The following CHSY3 variants were observed in gnomAD, a reference collection of about 807,000 sequenced individuals.
CHSY3 encodes the protein chondroitin sulfate synthase 3.
CHSY3 carries 35 observed loss-of-function variants against 67.2 expected under a neutral mutation model. The observed-to-expected ratio is 0.52, with a 90% CI of 0.40 to 0.69. The LOEUF (loss-of-function observed/expected upper bound fraction) is 0.69, where lower values mean the gene tolerates loss of function less well. Among genes scored for constraint, CHSY3 ranks in the 30% least tolerant of loss-of-function variants. The pLI is 0.00. For missense variants in CHSY3, 1,069 were observed against 1,138.5 expected, an observed-to-expected ratio of 0.94 and a Z score of 0.88; for synonymous variants, 474 against 434.7, an observed-to-expected ratio of 1.09 and a Z score of -1.12.
chr5:129,992,330 A>G (rs1251558966), intron 2 of CHSY3, among the ~76,000 whole-genome samples: 2 of 152,198 alleles, frequency 1.3e-5, no homozygotes, highest in Admixed American at 6.5e-5. Flanking sequence ...GCCAAAGTAT[A>G]TTTTGGAAGG....
intron 2 of CHSY3, among the ~76,000 whole-genome samples, chr5:130,143,810 G>A (rs56403340): frequency 0.027 from 1,532 of 56,214 alleles, 46 homozygotes; most frequent in South Asian, 0.061. Flanking sequence ...ATATATGTGT[G>A]TATATATATA....
At chr5:130,169,148 A>G (rs1334577969) in intron 2 of CHSY3, among the ~76,000 whole-genome samples, 1 of 152,054 alleles carries the variant, frequency 6.6e-6, no homozygotes, top group Non-Finnish European at 1.5e-5. Flanking sequence ...AGATTTCACT[A>G]ACCTTCTTCA....
intron 2 of CHSY3, among the ~76,000 whole-genome samples, chr5:130,181,713 C>G (rs1770249689): frequency 6.6e-6 from 1 of 152,146 alleles, no homozygotes; most frequent in Non-Finnish European, 1.5e-5. Context: ...CTTCTTGATT[C>G]TTGATCATTA....
intron 2 of CHSY3, among the ~76,000 whole-genome samples, chr5:130,010,125 G>A (rs1319810079): frequency 6.6e-6 from 1 of 152,076 alleles, no homozygotes; most frequent in African/African-American, 2.4e-5. Context: ...CTTGACACTT[G>A]ACCAAATGTG....
intron 2 of CHSY3, among the ~76,000 whole-genome samples, chr5:129,932,135 TA>T: frequency 1.1e-5 from 1 of 92,876 alleles, no homozygotes; most frequent in Admixed American, 1.1e-4. Context: ...TATATATATA[TA>T]TATATATGTA....
intron 2 of CHSY3, among the ~76,000 whole-genome samples, chr5:129,971,058 A>T (rs761347656): frequency 6.6e-6 from 1 of 151,962 alleles, no homozygotes; most frequent in South Asian, 2.1e-4. Context: ...AAATATGTGA[A>T]ACTATTTAGA....
intron 2 of CHSY3, among the ~76,000 whole-genome samples, chr5:130,003,709 C>T (rs1282268843): frequency 2.0e-5 from 3 of 152,132 alleles, no homozygotes; most frequent in South Asian, 2.1e-4. Flanking sequence ...TTTTAAAGTT[C>T]CTCTATAGGC....
chr5:129,918,527 A>C (rs1195881611), intron 2 of CHSY3, among the ~76,000 whole-genome samples: 1 of 152,230 alleles, frequency 6.6e-6, no homozygotes, highest in Non-Finnish European at 1.5e-5. Context: ...GATGGCGGAA[A>C]GTACAGGATA....
Position 130,073,947 on chromosome 5 carries a change from C to A in CHSY3, c.1087-110282C>A, listed in dbSNP as rs1766172097. Among the ~76,000 whole-genome samples the A allele has an allele frequency of 2.0e-5, 3 of 152,260 alleles. No individual in the cohort carries two copies. In the South Asian group the frequency reaches 6.2e-4, roughly 32 times the overall value. On this transcript the variant is annotated intron_variant, in intron 2 of 2. Coordinates refer to ENST00000305031, the MANE Select transcript of CHSY3 (RefSeq NM_175856.5). ...CTAGTATGTAAAGAGCGATATTCTT[C>A]CAAGTGGGCATCAGACTATCTTTGT...
chr5:130,128,857 A>C (rs1210417056), intron 2 of CHSY3, among the ~76,000 whole-genome samples: 2 of 152,110 alleles, frequency 1.3e-5, no homozygotes, highest in African/African-American at 4.8e-5. Flanking sequence ...AAGTGGGTTA[A>C]AATATTTCTG....
chr5:129,917,662 C>A (rs1226860443), intron 2 of CHSY3, among the ~76,000 whole-genome samples: 1 of 152,162 alleles, frequency 6.6e-6, no homozygotes, highest in Non-Finnish European at 1.5e-5. Context: ...TTATTTGTTC[C>A]CCTCGTGGGA....
chr5:130,170,363 C>T (rs1769865844), intron 2 of CHSY3, among the ~76,000 whole-genome samples: 1 of 152,072 alleles, frequency 6.6e-6, no homozygotes, highest in Non-Finnish European at 1.5e-5. Context: ...GTATATACCA[C>T]ATTTTCTTTA....
At chr5:129,936,646 G>A (rs1291662332) in intron 2 of CHSY3, among the ~76,000 whole-genome samples, 4 of 152,206 alleles carry the variant, frequency 2.6e-5, no homozygotes. Context: ...TGTAAGGAAG[G>A]TTGTGAACAT....
chr5:129,927,120 C>G (rs1199719442), intron 2 of CHSY3, among the ~76,000 whole-genome samples: 1 of 151,742 alleles, frequency 6.6e-6, no homozygotes, highest in Non-Finnish European at 1.5e-5. Context: ...CTGTTTTTTT[C>G]TTAACTAAGT....
At chr5:129,950,807 A>T (rs1011245659) in intron 2 of CHSY3, among the ~76,000 whole-genome samples, 9 of 152,220 alleles carry the variant, frequency 5.9e-5, no homozygotes, top group Admixed American at 5.9e-4. Context: ...TAAATAACAC[A>T]GTCAATATGT....
At position 129,904,602 on chromosome 5, in the gene CHSY3, C is replaced by T; in HGVS notation, c.-228C>T. 1.6e-6 allele frequency: 1 copy of T among 643,294 alleles called. No individual in the cohort carries two copies. The highest frequency in any genetic ancestry group is 4.7e-5 in the Admixed American group (1 of 21,262). 39.8% of individuals were successfully genotyped at this position (643,294 alleles called of 1,614,324 possible). A position where few individuals can be genotyped will look rare whatever the true frequency, so the allele number is the denominator to read the frequency against. On this transcript the variant is annotated 5_prime_UTR_variant, in exon 1 of 3. Transcript: ENST00000305031. ...GCCGGGAGAAGTTTCACTCCCGACC[C>T]TTGCTCGGAGCCCCGGCCCAGAGCT...
chr5:130,145,285 A>G (rs1379877415), intron 2 of CHSY3, among the ~76,000 whole-genome samples: 1 of 152,036 alleles, frequency 6.6e-6, no homozygotes, highest in Non-Finnish European at 1.5e-5. Flanking sequence ...GAGGCCAAAC[A>G]TAGTTCACAC....
chr5:130,051,601 T>G (rs993323043), intron 2 of CHSY3, among the ~76,000 whole-genome samples: 5 of 152,084 alleles, frequency 3.3e-5, no homozygotes, highest in African/African-American at 4.8e-5. Flanking sequence ...ACAGGGACAT[T>G]TCCTGTGAGG....
At chr5:129,946,719 T>C (rs1193712481) in intron 2 of CHSY3, among the ~76,000 whole-genome samples, 2 of 152,314 alleles carry the variant, frequency 1.3e-5, no homozygotes, top group East Asian at 3.9e-4. Context: ...CTTAGCATAA[T>C]GTCCTCCAGG....
Sources: gnomAD v4.1 joint callset for allele counts (sites outside exome capture counted in the v4.1 genomes callset) on GRCh38, gnomAD v4.1.1 for gene constraint, MANE v1.5 for transcripts, NCBI Gene and HGNC (gene_info 2026-07-23, HGNC 2026-07-21) for gene names.